SMIM35: variants seen among roughly 807,000 people sequenced by gnomAD.
SMIM35 encodes TMPRSS4 antisense RNA 1 (non-protein coding).
chr11:118,071,966 G>T (rs555230895), intron 1 of SMIM35, among the ~76,000 whole-genome samples: 2 of 152,282 alleles, frequency 1.3e-5, no homozygotes, highest in African/African-American at 4.8e-5. Context: ...AGGATCTACA[G>T]GGCTTGCTGC....
intron 4 of SMIM35, among the ~76,000 whole-genome samples, chr11:118,008,328 T>A (rs1355463003): frequency 6.6e-6 from 1 of 152,048 alleles, no homozygotes; most frequent in Admixed American, 6.6e-5. Flanking sequence ...CACTAAGCAG[T>A]TTTTAGAAAT....
intron 1 of SMIM35, among the ~76,000 whole-genome samples, chr11:118,064,382 C>T (rs1944436569): frequency 6.6e-6 from 1 of 152,146 alleles, no homozygotes; most frequent in African/African-American, 2.4e-5. Flanking sequence ...ACCCCAAGGT[C>T]CCACCGGAGG....
At chr11:118,056,144 C>T (rs116116474) in intron 1 of SMIM35, among the ~76,000 whole-genome samples, 54 of 152,106 alleles carry the variant, frequency 3.6e-4, no homozygotes, top group African/African-American at 1.1e-3. Context: ...GAGGTCTTGC[C>T]GCTTCTCAAG....
At chr11:118,082,270 T>C (rs1945192405) in intron 1 of SMIM35, among the ~76,000 whole-genome samples, 3 of 152,126 alleles carry the variant, frequency 2.0e-5, no homozygotes, top group Admixed American at 2.0e-4. Flanking sequence ...GATGAAGAAA[T>C]TGAGGCTCAG....
At chr11:118,049,250 T>C (rs1944167331) in intron 1 of SMIM35, among the ~76,000 whole-genome samples, 1 of 151,314 alleles carries the variant, frequency 6.6e-6, no homozygotes, top group Non-Finnish European at 1.5e-5. Context: ...GTCCAAACAT[T>C]GAATTTGAGA....
At chr11:118,044,534 T>C (rs984891395) in intron 1 of SMIM35, among the ~76,000 whole-genome samples, 2 of 151,974 alleles carry the variant, frequency 1.3e-5, no homozygotes, top group African/African-American at 4.8e-5. Flanking sequence ...GGTGCGGTGA[T>C]TCATGCCTGT....
At chr11:118,072,288 G>A (rs954050648) in intron 1 of SMIM35, among the ~76,000 whole-genome samples, 5 of 152,126 alleles carry the variant, frequency 3.3e-5, no homozygotes, top group African/African-American at 1.2e-4. Context: ...TCAGCAGTTC[G>A]AGATCAGCCT....
At chr11:118,079,756 G>A (rs1223655693) in intron 1 of SMIM35, among the ~76,000 whole-genome samples, 3 of 152,356 alleles carry the variant, frequency 2.0e-5, no homozygotes, top group African/African-American at 2.4e-5. Context: ...GCTCAGAAAC[G>A]TGGCAGTCAG....
chr11:118,029,018 C>T, intron 1 of SMIM35: 1 of 358,294 alleles, frequency 2.8e-6, no homozygotes, highest in South Asian at 2.2e-5. Flanking sequence ...AATCAAGATA[C>T]AGGAGAATAG....
intron 1 of SMIM35, among the ~76,000 whole-genome samples, chr11:118,066,385 C>T (rs1170512458): frequency 6.6e-6 from 1 of 152,066 alleles, no homozygotes; most frequent in African/African-American, 2.4e-5. Flanking sequence ...ATTCTCTCTA[C>T]CCCAGGCTCT....
chr11:118,009,264 G>A (rs1373685877), intron 4 of SMIM35, among the ~76,000 whole-genome samples: 1 of 152,176 alleles, frequency 6.6e-6, no homozygotes, highest in African/African-American at 2.4e-5. Context: ...TATGTTCTTG[G>A]GGGCCAAGGA....
At chr11:118,068,439 C>T (rs1055967888) in intron 1 of SMIM35, among the ~76,000 whole-genome samples, 7 of 152,202 alleles carry the variant, frequency 4.6e-5, no homozygotes, top group Admixed American at 3.9e-4. Context: ...CTGCGGACAG[C>T]GCCTTATTCA....
At chr11:118,078,512 G>A (rs1224960506) in intron 1 of SMIM35, among the ~76,000 whole-genome samples, 2 of 152,184 alleles carry the variant, frequency 1.3e-5, no homozygotes, top group African/African-American at 2.4e-5. Flanking sequence ...AGGGGAAGGG[G>A]CTTCCCTTTG....
At chr11:118,080,543 G>T (rs1388348397) in intron 1 of SMIM35, among the ~76,000 whole-genome samples, 4 of 152,134 alleles carry the variant, frequency 2.6e-5, no homozygotes, top group Non-Finnish European at 5.9e-5. Flanking sequence ...CAGGGCTCCT[G>T]CGTGACCCCA....
intron 1 of SMIM35, among the ~76,000 whole-genome samples, chr11:118,031,230 G>A (rs2058317171): frequency 6.6e-6 from 1 of 152,186 alleles, no homozygotes; most frequent in Non-Finnish European, 1.5e-5. Context: ...ACATAGACCT[G>A]TATGGATGTA....
At chr11:118,070,445 C>A (rs1263417648) in intron 1 of SMIM35, among the ~76,000 whole-genome samples, 1 of 152,134 alleles carries the variant, frequency 6.6e-6, no homozygotes, top group Admixed American at 6.5e-5. Context: ...CCAAAGTGCC[C>A]GGATTACAGC....
At chr11:118,019,374 G>T (rs999226736) in intron 1 of SMIM35, among the ~76,000 whole-genome samples, 2 of 152,108 alleles carry the variant, frequency 1.3e-5, no homozygotes, top group Non-Finnish European at 2.9e-5. Context: ...TGAGTTCCCC[G>T]AGTTCCAGCA....
At chr11:118,013,689 C>G in intron 4 of SMIM35, 59 bp downstream of exon 4, 1 of 397,426 alleles carries the variant, frequency 2.5e-6, no homozygotes, top group Non-Finnish European at 4.4e-6. Context: ...TGACTGGACC[C>G]TCTTAGGACC....
At chr11:118,044,790 G>C (rs1462637295) in intron 1 of SMIM35, among the ~76,000 whole-genome samples, 771 of 49,058 alleles carry the variant, frequency 0.016, 20 homozygotes, top group African/African-American at 0.05. Context: ...AAAAAAAAAA[G>C]TTCATTCTAC....
Sources: gnomAD v4.1 joint callset for allele counts (sites outside exome capture counted in the v4.1 genomes callset) on GRCh38, gnomAD v4.1.1 for gene constraint, MANE v1.5 for transcripts, NCBI Gene and HGNC (gene_info 2026-07-23, HGNC 2026-07-21) for gene names.